Variants in PHLPP2 observed in about 807,000 individuals in gnomAD.
PHLPP2 encodes PH domain and leucine rich repeat protein phosphatase 2, also known as PH domain leucine-rich repeat-containing protein phosphatase 2.
Under a neutral mutation model 124.9 loss-of-function variants are expected in PHLPP2, and 66 were observed. The observed-to-expected ratio is 0.53, with a 90% CI of 0.43 to 0.65. PHLPP2 has a LOEUF of 0.65. PHLPP2 is among the 30% of genes least tolerant of loss of function. The pLI, the probability that PHLPP2 is intolerant of heterozygous loss-of-function variation, is 0.00. For missense variants in PHLPP2, 1,685 were observed against 1,600.4 expected, an observed-to-expected ratio of 1.05 and a Z score of -0.90; for synonymous variants, 681 against 624.7, an observed-to-expected ratio of 1.09 and a Z score of -1.34.
intron 9 of PHLPP2, among the ~76,000 whole-genome samples, chr16:71,675,923 G>A (rs528259631): frequency 6.6e-6 from 1 of 152,116 alleles, no homozygotes; most frequent in African/African-American, 2.4e-5. Context: ...GTTTCACCAT[G>A]TTGCCCAGGC....
chr16:71,667,100 G>A (rs1423526293), intron 12 of PHLPP2, 78 bp downstream of exon 12: 3 of 1,225,200 alleles, frequency 2.4e-6, no homozygotes, highest in Admixed American at 2.1e-5. Context: ...CAGTTCCAAA[G>A]GTCACTCCAA....
chr16:71,693,299 A>G (rs1476099846), intron 3 of PHLPP2, among the ~76,000 whole-genome samples: 1 of 152,132 alleles, frequency 6.6e-6, no homozygotes, highest in Non-Finnish European at 1.5e-5. Flanking sequence ...AAAAGAAAAA[A>G]AAGATCAACA....
At chr16:71,685,092 C>T (rs1293820481) in intron 4 of PHLPP2, among the ~76,000 whole-genome samples, 1 of 152,172 alleles carries the variant, frequency 6.6e-6, no homozygotes, top group African/African-American at 2.4e-5. Flanking sequence ...CTTTGGGAGG[C>T]CGAGGCGGGC....
At chr16:71,667,437 A>T (rs1387821340) in intron 11 of PHLPP2, 104 bp from the exon 12 acceptor site, 1 of 870,816 alleles carries the variant, frequency 1.1e-6, no homozygotes, top group African/African-American at 1.7e-5. Context: ...TTATAGAAAC[A>T]TATTCTCCTA....
chr16:71,690,876 T>C (rs1388039981), intron 3 of PHLPP2, among the ~76,000 whole-genome samples, 167 bp from the exon 4 acceptor site: 1 of 152,214 alleles, frequency 6.6e-6, no homozygotes, highest in African/African-American at 2.4e-5. Flanking sequence ...CTGAATTATA[T>C]ACAGTAGGAG....
At position 71,652,813 on chromosome 16, in the gene PHLPP2, C is replaced by A. The variant is rs1033654233; in HGVS notation, c.2794G>T (p.Asp932Tyr). The A allele has an allele frequency of 1.9e-6, 3 of 1,613,808 alleles. No individual in the cohort carries two copies. In the African/African-American group the frequency reaches 4.0e-5, roughly 22 times the overall value. ...ACCTCTGTGATGATGGCTTTTTGGT[C>A]CTTCACCCTTTGAGCCTCCTCTGGG... ...QDPEEAQRVK[D>Y]QKAIITEDNK... is the part of the protein sequence containing the mutation. The change falls in exon 18 of 19, where the codon GAC becomes TAC. Residue 932 changes from aspartate (D) to tyrosine (Y), a missense_variant. Coordinates refer to ENST00000568954, the MANE Select transcript of PHLPP2 (RefSeq NM_015020.3).
intron 4 of PHLPP2, among the ~76,000 whole-genome samples, chr16:71,684,818 C>G (rs903939608): frequency 6.6e-6 from 1 of 152,192 alleles, no homozygotes; most frequent in Non-Finnish European, 1.5e-5. Flanking sequence ...TGCTTTTGCT[C>G]TATCACCAGC....
chr16:71,713,991 G>C (rs1213219723), intron 2 of PHLPP2, among the ~76,000 whole-genome samples: 1 of 148,250 alleles, frequency 6.7e-6, no homozygotes, highest in African/African-American at 2.5e-5. Flanking sequence ...CCAGGCTGCA[G>C]TGCAGTGGCA....
At position 71,664,027 on chromosome 16, in the gene PHLPP2, C is replaced by G. The variant is rs141562063; in HGVS notation, c.1857G>C (p.Leu619Phe). ...LPSACTGEES[L>F]SMLQLLYLTN... ...TCAGATAAAGCAGCTGCAGCATACT[C>G]AAACTCTCCTCTCCAGTGCAGGCGG... Residue 619 changes from leucine (L) to phenylalanine (F), a missense_variant, in exon 13 of 19, where the codon TTG becomes TTC. Physicochemically the swap from Leu to Phe is conservative, Grantham distance 22. Transcript: ENST00000568954. 3 of 1,613,968 alleles carry G rather than the reference C, an allele frequency of 1.9e-6. No individual in the cohort carries two copies. The highest frequency in any genetic ancestry group is 2.5e-6 in the Non-Finnish European group (3 of 1,179,836).
chr16:71,681,914 T>C lies in PHLPP2; in HGVS notation c.736-9A>G. On this transcript the variant is annotated splice_polypyrimidine_tract_variant and intron_variant, in intron 5 of 18. Coordinates refer to ENST00000568954, the MANE Select transcript of PHLPP2 (RefSeq NM_015020.3). Reference sequence around the variant, plus strand: ...ATTCGCTGGGACACCACCTGAATAATGTCAAAGAGAAGAGCCTTCTGAGCT... The same window carrying C: ...ATTCGCTGGGACACCACCTGAATAACGTCAAAGAGAAGAGCCTTCTGAGCT... The C allele has an allele frequency of 8.2e-6, 13 of 1,589,872 alleles. No individual in the cohort carries two copies. The highest frequency in any genetic ancestry group is 1.0e-5 in the Non-Finnish European group (12 of 1,167,628).
At chr16:71,654,125 A>C (rs560549114) in intron 17 of PHLPP2, among the ~76,000 whole-genome samples, 12 of 149,134 alleles carry the variant, frequency 8.0e-5, no homozygotes, top group Non-Finnish European at 1.8e-4. Flanking sequence ...AACCCGGGAG[A>C]CGGAGCTTGC....
chr16:71,697,105 G>A (rs367927388), intron 3 of PHLPP2, among the ~76,000 whole-genome samples: 6 of 151,614 alleles, frequency 4.0e-5, no homozygotes, highest in Admixed American at 1.3e-4. Flanking sequence ...TTTGAGAGGC[G>A]GAGGTTGCAG....
chr16:71,687,859 A>G (rs917003568), intron 4 of PHLPP2, among the ~76,000 whole-genome samples: 7 of 152,102 alleles, frequency 4.6e-5, no homozygotes, highest in African/African-American at 1.7e-4. Flanking sequence ...CTCCTATTAG[A>G]TGTATACCAG....
intron 3 of PHLPP2, among the ~76,000 whole-genome samples, chr16:71,692,354 C>T (rs1354500204): frequency 1.3e-5 from 2 of 152,146 alleles, no homozygotes; most frequent in Non-Finnish European, 2.9e-5. Flanking sequence ...CAAGTGTGAG[C>T]CACCGCACCT....
chr16:71,656,483 T>C (rs192852911), intron 16 of PHLPP2, 88 bp downstream of exon 16: 1 of 734,222 alleles, frequency 1.4e-6, no homozygotes, highest in African/African-American at 1.7e-5. Context: ...CAGAACAACA[T>C]GGCCTAGCTA....
intron 1 of PHLPP2, among the ~76,000 whole-genome samples, chr16:71,716,280 C>T (rs2045362387): frequency 6.6e-6 from 1 of 152,154 alleles, no homozygotes; most frequent in African/African-American, 2.4e-5. Flanking sequence ...TACATGTCTC[C>T]TTATGAAAAT....
chr16:71,685,710 A>T (rs1567621635), intron 4 of PHLPP2, among the ~76,000 whole-genome samples: 2 of 152,228 alleles, frequency 1.3e-5, no homozygotes, highest in Non-Finnish European at 2.9e-5. Context: ...CTGTTTTAGC[A>T]TAATCTTTTA....
chr16:71,719,294 G>C (rs145136105), intron 1 of PHLPP2, among the ~76,000 whole-genome samples: 1,828 of 152,250 alleles, frequency 0.012, 33 homozygotes, highest in African/African-American at 0.041. Flanking sequence ...CAGCACTTTG[G>C]GAGGCTGAGG....
intron 2 of PHLPP2, among the ~76,000 whole-genome samples, chr16:71,709,791 G>T (rs2045311587): frequency 6.6e-6 from 1 of 152,158 alleles, no homozygotes; most frequent in Non-Finnish European, 1.5e-5. Context: ...TGACTTTTGG[G>T]ACAGGAAAAT....
Sources: allele counts gnomAD v4.1 joint callset (sites outside exome capture counted in the v4.1 genomes callset), GRCh38; gene constraint gnomAD v4.1.1; transcripts MANE v1.5; gene names NCBI Gene and HGNC (gene_info 2026-07-23, HGNC 2026-07-21).